Variants in SORCS3 observed in about 807,000 individuals in gnomAD.
SORCS3 encodes VPS10 domain-containing receptor SorCS3.
Under a neutral mutation model 146.3 loss-of-function variants are expected in SORCS3, and 57 were observed. The ratio of observed to expected loss-of-function variants is 0.39; its 90% confidence interval spans 0.31 to 0.49. The LOEUF (loss-of-function observed/expected upper bound fraction) is 0.49. Among genes scored for constraint, SORCS3 ranks in the 20% least tolerant of loss-of-function variants. The pLI is 0.92. For missense variants in SORCS3, 1,341 were observed against 1,575.5 expected (o/e 0.85, Z 2.52); for synonymous variants, 653 against 618.5 (o/e 1.06, Z -0.83).
chr10:105,013,259 A>T (rs1344702962), intron 4 of SORCS3, among the ~76,000 whole-genome samples: 1 of 152,148 alleles, frequency 6.6e-6, no homozygotes, highest in Non-Finnish European at 1.5e-5. Context: ...CCTAATAAAG[A>T]TTATCCACCA....
chr10:104,846,130 T>C (rs938489981), intron 2 of SORCS3, among the ~76,000 whole-genome samples: 1 of 152,172 alleles, frequency 6.6e-6, no homozygotes. Context: ...AGGAGGTTCA[T>C]GGACCTGATA....
chr10:105,247,739 T>A (rs1248820994), intron 22 of SORCS3, among the ~76,000 whole-genome samples: 1 of 105,840 alleles, frequency 9.4e-6, no homozygotes, highest in African/African-American at 3.6e-5. Flanking sequence ...CAGAGCAAGA[T>A]TCTGTCAAAA....
chr10:104,816,977 C>T (rs745758635), intron 1 of SORCS3, among the ~76,000 whole-genome samples: 1 of 152,178 alleles, frequency 6.6e-6, no homozygotes, highest in Admixed American at 6.5e-5. Context: ...AAGAATTCAC[C>T]ATGCCCAGAG....
At chr10:104,721,319 C>T (rs1273847306) in intron 1 of SORCS3, among the ~76,000 whole-genome samples, 1 of 152,160 alleles carries the variant, frequency 6.6e-6, no homozygotes, top group East Asian at 1.9e-4. Flanking sequence ...GGGCTCTGTT[C>T]TGTTCCATTG....
intron 22 of SORCS3, among the ~76,000 whole-genome samples, chr10:105,251,464 A>G (rs1317092164): frequency 6.6e-6 from 1 of 152,160 alleles, no homozygotes; most frequent in African/African-American, 2.4e-5. Flanking sequence ...TACACCAGAC[A>G]GATGTAATCA....
At chr10:105,055,285 A>G (rs899633664) in intron 5 of SORCS3, among the ~76,000 whole-genome samples, 23 of 152,202 alleles carry the variant, frequency 1.5e-4, no homozygotes, top group Admixed American at 5.9e-4. Context: ...AAGGACACAT[A>G]TAGTTGCTAG....
rs1480597896 is a variant in SORCS3, at chr10:105,259,320, G to C, written c.3443+2396G>C. Among the ~76,000 whole-genome samples the C allele has an allele frequency of 3.3e-5, 5 of 152,312 alleles. No individual in the cohort carries two copies. In the East Asian group the frequency reaches 9.6e-4, roughly 29 times the overall value. On this transcript the variant is annotated intron_variant, in intron 25 of 26. Coordinates refer to ENST00000369701, the MANE Select transcript of SORCS3 (RefSeq NM_014978.3). ...AAAGACATTTCTGTTTCTGTGTCCAGATCATTGGCCATACTGAGTTTCCAG... is the reference window on the plus strand; with the variant it reads ...AAAGACATTTCTGTTTCTGTGTCCACATCATTGGCCATACTGAGTTTCCAG...
intron 1 of SORCS3, among the ~76,000 whole-genome samples, chr10:104,820,651 T>A (rs1484397156): frequency 6.6e-6 from 1 of 152,226 alleles, no homozygotes; most frequent in East Asian, 1.9e-4. Flanking sequence ...TTGTAAAGGA[T>A]TGAGTTTGTC....
At chr10:105,063,181 C>T (rs2055499325) in intron 5 of SORCS3, among the ~76,000 whole-genome samples, 1 of 152,168 alleles carries the variant, frequency 6.6e-6, no homozygotes, top group Admixed American at 6.5e-5. Context: ...ATCCTATGGA[C>T]TCCCGATGAT....
chr10:104,817,272 CATT>C (rs2017808004), intron 1 of SORCS3, among the ~76,000 whole-genome samples: 1 of 152,124 alleles, frequency 6.6e-6, no homozygotes, highest in South Asian at 2.1e-4. Context: ...GCTGCTGACA[CATT>C]ATCTCAATTT....
intron 1 of SORCS3, among the ~76,000 whole-genome samples, chr10:104,778,543 G>A (rs1481676466): frequency 6.6e-6 from 1 of 152,206 alleles, no homozygotes; most frequent in Non-Finnish European, 1.5e-5. Flanking sequence ...TTTGCAGTGA[G>A]CATACAATGA....
chr10:105,102,284 C>T (rs949514134), intron 6 of SORCS3, among the ~76,000 whole-genome samples: 9 of 152,132 alleles, frequency 5.9e-5, no homozygotes, highest in Admixed American at 3.3e-4. Context: ...AACCTAAATG[C>T]CCATCTACAG....
intron 6 of SORCS3, among the ~76,000 whole-genome samples, chr10:105,093,086 A>C (rs887699163): frequency 1.7e-4 from 26 of 152,252 alleles, no homozygotes; most frequent in Non-Finnish European, 3.7e-4. Flanking sequence ...GGTATCCATA[A>C]GAAAATCTCC....
intron 3 of SORCS3, among the ~76,000 whole-genome samples, chr10:104,924,601 C>T (rs2019120355): frequency 6.6e-6 from 1 of 152,158 alleles, no homozygotes; most frequent in Non-Finnish European, 1.5e-5. Context: ...GGCCAAATGG[C>T]TTGATAAAGG....
intron 16 of SORCS3, 79 bp from the exon 17 acceptor site, chr10:105,211,058 T>G (rs1028579810): frequency 2.3e-6 from 2 of 885,928 alleles, no homozygotes; most frequent in Non-Finnish European, 3.8e-6. Context: ...AATAGGGACA[T>G]GTATATGTTT....
chr10:104,748,698 C>T (rs2016944681), intron 1 of SORCS3, among the ~76,000 whole-genome samples: 2 of 152,052 alleles, frequency 1.3e-5, no homozygotes, highest in Admixed American at 1.3e-4. Flanking sequence ...ACTAAAAATA[C>T]AAAAATTTGC....
At chr10:104,872,807 CA>C (rs1341844766) in intron 2 of SORCS3, among the ~76,000 whole-genome samples, 6 of 152,068 alleles carry the variant, frequency 3.9e-5, no homozygotes, top group Non-Finnish European at 5.9e-5. Flanking sequence ...CGCACCATTA[CA>C]AACAATATGG....
chr10:104,943,136 AT>A (rs552101186), intron 3 of SORCS3, among the ~76,000 whole-genome samples: 1,635 of 151,534 alleles, frequency 0.011, 27 homozygotes, highest in African/African-American at 0.037. Flanking sequence ...AATATAAAAT[AT>A]TTTTTTTTAA....
chr10:104,725,459 G>C (rs1263821414), intron 1 of SORCS3, among the ~76,000 whole-genome samples: 1 of 152,226 alleles, frequency 6.6e-6, no homozygotes, highest in Non-Finnish European at 1.5e-5. Flanking sequence ...TCCGTTCTCA[G>C]ATCTCCAGCT....
Sources: gnomAD v4.1 joint callset for allele counts (sites outside exome capture counted in the v4.1 genomes callset) on GRCh38, gnomAD v4.1.1 for gene constraint, MANE v1.5 for transcripts, NCBI Gene and HGNC (gene_info 2026-07-23, HGNC 2026-07-21) for gene names.